NEDD9: variants seen among roughly 807,000 people sequenced by gnomAD.
NEDD9 encodes the protein enhancer of filamentation 1.
In NEDD9, 26 loss-of-function variants were observed where a neutral mutation model predicts 76.6. The ratio of observed to expected loss-of-function variants is 0.34; its 90% CI spans 0.25 to 0.47. NEDD9 has a LOEUF of 0.47. Among genes scored for constraint, NEDD9 ranks in the 20% least tolerant of loss-of-function variants. The probability of loss-of-function intolerance (pLI) is 1.00; values close to 1 mark genes in which losing one functional copy is unlikely to be tolerated. For synonymous variants in NEDD9, 392 were observed against 414.2 expected, an observed-to-expected ratio of 0.95 and a Z score of 0.65; for missense variants, 937 against 1,058.5, an observed-to-expected ratio of 0.89 and a Z score of 1.59.
chr6:11,257,775 CTGTGTGTGTGTGTG>C (rs3067253), intron 3 of NEDD9, among the ~76,000 whole-genome samples: 73 of 142,966 alleles, frequency 5.1e-4, no homozygotes, highest in Non-Finnish European at 7.9e-4. Flanking sequence ...AATGTAGATT[CTGTGTGTGTGTGTG>C]TGTGTGTGTG....
intron 1 of NEDD9, among the ~76,000 whole-genome samples, chr6:11,225,499 ATTTG>A (rs1301918897): frequency 5.3e-5 from 8 of 151,904 alleles, no homozygotes; most frequent in East Asian, 2.0e-4. Flanking sequence ...TTGTTTGTTT[ATTTG>A]TTTGTTTGTT....
intron 3 of NEDD9, among the ~76,000 whole-genome samples, chr6:11,294,211 A>G (rs1418022226): frequency 6.6e-6 from 1 of 152,194 alleles, no homozygotes; most frequent in African/African-American, 2.4e-5. Context: ...AGTTACTGCT[A>G]CATATGATAA....
intron 1 of NEDD9, among the ~76,000 whole-genome samples, chr6:11,367,515 G>A (rs530945738): frequency 3.9e-5 from 6 of 152,204 alleles, no homozygotes; most frequent in Non-Finnish European, 8.8e-5. Context: ...TGGATCACTA[G>A]TCTAGAGGAC....
chr6:11,346,486 C>CT (rs530242479), intron 1 of NEDD9, among the ~76,000 whole-genome samples: 18 of 151,308 alleles, frequency 1.2e-4, no homozygotes, highest in East Asian at 1.9e-4. Flanking sequence ...GGCCCCCCCC[C>CT]CCGAGGTGAG....
At position 11,336,462 on chromosome 6, in the gene NEDD9, A is replaced by G. The variant is rs527823275; in HGVS notation, c.-213-1901T>C. ...GCAACACAATGGTAAGTATTTGTGT[A>G]TGTAAATACTTCCTACCTAAACATA... On this transcript the variant is annotated intron_variant, in intron 1 of 3. Transcript: ENST00000397378. 1.6e-4 allele frequency among the ~76,000 whole-genome samples: 25 copies of G among 152,338 alleles called. No individual in the cohort carries two copies. The South Asian group carries it at 5.0e-3, about 30-fold the overall frequency.
At chr6:11,307,503 T>G (rs919244114) in intron 2 of NEDD9, among the ~76,000 whole-genome samples, 22 of 152,236 alleles carry the variant, frequency 1.4e-4, no homozygotes, top group African/African-American at 5.3e-4. Flanking sequence ...TCCAGCGCCC[T>G]GTCTGTCTAT....
intron 3 of NEDD9, among the ~76,000 whole-genome samples, chr6:11,277,945 G>A (rs1303846780): frequency 1.1e-4 from 16 of 152,148 alleles, no homozygotes; most frequent in Admixed American, 1.0e-3. Context: ...CTCTTGAGAA[G>A]CTGAGCCTGA....
chr6:11,246,188 C>T (rs908847740), intron 3 of NEDD9, among the ~76,000 whole-genome samples: 2 of 152,188 alleles, frequency 1.3e-5, no homozygotes, highest in Non-Finnish European at 2.9e-5. Flanking sequence ...AGGGAGCTTA[C>T]AGAACATTCC....
intron 1 of NEDD9, among the ~76,000 whole-genome samples, chr6:11,379,267 T>C (rs1336466907): frequency 1.8e-5 from 2 of 113,272 alleles, no homozygotes; most frequent in Non-Finnish European, 1.9e-5. Flanking sequence ...CTGTCAGGAC[T>C]GTCAGCAACG....
intron 1 of NEDD9, among the ~76,000 whole-genome samples, chr6:11,373,174 G>C (rs1412537623): frequency 6.6e-6 from 1 of 151,130 alleles, no homozygotes; most frequent in African/African-American, 2.4e-5. Context: ...AACTCATGAA[G>C]AAAATGAAAT....
chr6:11,272,068 C>A (rs540423492), intron 3 of NEDD9, among the ~76,000 whole-genome samples: 11 of 152,194 alleles, frequency 7.2e-5, no homozygotes, highest in Non-Finnish European at 1.3e-4. Context: ...TATCAAAGGA[C>A]AGCCCGGTGC....
At chr6:11,344,892 A>T (rs1762336543) in intron 1 of NEDD9, among the ~76,000 whole-genome samples, 1 of 152,146 alleles carries the variant, frequency 6.6e-6, no homozygotes, top group Non-Finnish European at 1.5e-5. Flanking sequence ...GGAGATTGGG[A>T]ACAGGTGTGG....
At chr6:11,281,289 C>A (rs1313202674) in intron 3 of NEDD9, among the ~76,000 whole-genome samples, 3 of 152,158 alleles carry the variant, frequency 2.0e-5, no homozygotes, top group African/African-American at 7.2e-5. Context: ...CTTCCCCAGC[C>A]CTAAAGTGTG....
intron 1 of NEDD9, among the ~76,000 whole-genome samples, chr6:11,363,285 T>C (rs1489537579): frequency 1.3e-5 from 2 of 152,228 alleles, no homozygotes; most frequent in African/African-American, 4.8e-5. Context: ...TTAACTACTT[T>C]GCATTGGGAG....
intron 3 of NEDD9, chr6:11,248,948 C>G (rs1759861445): frequency 5.4e-6 from 2 of 372,352 alleles, no homozygotes; most frequent in Non-Finnish European, 1.1e-5. Context: ...TCCTTAGGCC[C>G]TGCCTTCTCC....
In NEDD9 at chr6:11,215,565, T is replaced by C. The variant is rs149772345; in HGVS notation, c.13-1838A>G. ...ATTCTGTATTTTACAAGAGAAGTCA[T>C]AGAGTTACAGAGGACAAGATTCTGG... On this transcript the variant is annotated intron_variant, in intron 1 of 6. Coordinates refer to ENST00000379446, the MANE Select transcript of NEDD9 (RefSeq NM_006403.4). Among the ~76,000 whole-genome samples, 1,408 of 152,288 alleles carry C rather than the reference T, an allele frequency of 9.2e-3. 34 individuals carry two copies. Among genetic ancestry groups the C allele is most frequent in the African/African-American group, 0.032 (1,339 of 41,554 alleles).
intron 3 of NEDD9, among the ~76,000 whole-genome samples, chr6:11,246,701 G>T (rs558373839): frequency 6.6e-6 from 1 of 152,308 alleles, no homozygotes; most frequent in East Asian, 1.9e-4. Context: ...CAAGATGGCA[G>T]CCCGGGAAAC....
At chr6:11,377,162 T>A (rs1292747285) in intron 1 of NEDD9, among the ~76,000 whole-genome samples, 1 of 152,218 alleles carries the variant, frequency 6.6e-6, no homozygotes, top group Admixed American at 6.5e-5. Context: ...AGAAAAACTC[T>A]ACTAGGAAAA....
Position 11,370,427 on chromosome 6 carries a change from C to G in NEDD9, c.-214+11712G>C, listed in dbSNP as rs1303442605. On this transcript the variant is annotated intron_variant, in intron 1 of 3. Transcript: ENST00000397378. The surrounding 1 kb of genome is among the most constrained non-coding windows in gnomAD (Gnocchi z 4.2). The stretch of plus-strand genomic sequence containing the variant: ...AAAGTCTGCCTTTGCCTACAGCACG[C>G]ACACACGGCTGGAGGACGGCTCCCA... 6.6e-6 allele frequency among the ~76,000 whole-genome samples: 1 copy of G among 152,168 alleles called. No individual in the cohort carries two copies. Among genetic ancestry groups the G allele is most frequent in the Non-Finnish European group, 1.5e-5 (1 of 68,028 alleles).
Sources: gnomAD v4.1 joint callset for allele counts (sites outside exome capture counted in the v4.1 genomes callset) on GRCh38, gnomAD v4.1.1 for gene constraint, Gnocchi (gnomAD v3.1) non-coding constraint, MANE v1.5 for transcripts, NCBI Gene and HGNC (gene_info 2026-07-23, HGNC 2026-07-21) for gene names.